Variants in AK8 observed in about 807,000 individuals in gnomAD.
AK8 encodes adenylate kinase 8.
In AK8, 44 loss-of-function variants were observed where a neutral mutation model predicts 54.6. The observed-to-expected ratio is 0.81, with a 90% confidence interval of 0.63 to 1.04. The LOEUF is 1.04. AK8 is among the 50% of genes least tolerant of loss of function. AK8 has a pLI of 0.00. For missense variants in AK8, 555 were observed against 613.6 expected, an observed-to-expected ratio of 0.90 and a Z score of 1.01; for synonymous variants, 239 against 245.6, an observed-to-expected ratio of 0.97 and a Z score of 0.25.
At chr9:132,828,300 C>A (rs188184764) in intron 6 of AK8, among the ~76,000 whole-genome samples, 216 of 152,352 alleles carry the variant, frequency 1.4e-3, no homozygotes, top group African/African-American at 5.0e-3. Context: ...CGGCCCATGA[C>A]GGAAAGTTCT....
chr9:132,731,441 AGCCCT>A (rs542939508), intron 11 of AK8, among the ~76,000 whole-genome samples: 1 of 152,146 alleles, frequency 6.6e-6, no homozygotes, highest in Non-Finnish European at 1.5e-5. Context: ...TGGGTGGGGA[AGCCCT>A]GCCCTGCCCT....
chr9:132,780,136 G>C (rs185328289), intron 11 of AK8, among the ~76,000 whole-genome samples: 16 of 152,322 alleles, frequency 1.1e-4, no homozygotes, highest in Admixed American at 7.8e-4. Flanking sequence ...AACAAAGTGG[G>C]AGGGGCTGTT....
chr9:132,844,957 G>A (rs116437410), intron 5 of AK8, among the ~76,000 whole-genome samples: 3,092 of 152,246 alleles, frequency 0.02, 100 homozygotes, highest in African/African-American at 0.071. Context: ...TTTAATTGTG[G>A]GATCTTCAGC....
At chr9:132,789,495 G>C (rs935883467) in intron 11 of AK8, among the ~76,000 whole-genome samples, 3 of 147,492 alleles carry the variant, frequency 2.0e-5, no homozygotes, top group Non-Finnish European at 3.0e-5. Flanking sequence ...TACTCAGGAG[G>C]AGGAGGCAGG....
intron 3 of AK8, among the ~76,000 whole-genome samples, chr9:132,864,169 T>C (rs879008001): frequency 2.0e-5 from 3 of 152,184 alleles, no homozygotes; most frequent in East Asian, 1.9e-4. Flanking sequence ...CTTTTTTTTT[T>C]CTTAAAGATT....
chr9:132,747,783 T>C (rs1477215642), intron 11 of AK8, among the ~76,000 whole-genome samples: 1 of 150,434 alleles, frequency 6.6e-6, no homozygotes, highest in Non-Finnish European at 1.5e-5. Context: ...TTTTTTACAA[T>C]GAGACTGTAC....
At chr9:132,763,027 A>G (rs1267405435) in intron 11 of AK8, among the ~76,000 whole-genome samples, 1 of 152,212 alleles carries the variant, frequency 6.6e-6, no homozygotes, top group East Asian at 1.9e-4. Flanking sequence ...CACCCTTTGG[A>G]CACCTGCTCA....
chr9:132,864,017 A>T (rs1211267541), intron 3 of AK8, among the ~76,000 whole-genome samples: 2 of 152,178 alleles, frequency 1.3e-5, no homozygotes, highest in Non-Finnish European at 2.9e-5. Flanking sequence ...TGAAGTGGGA[A>T]GACCTACAGG....
chr9:132,778,298 G>T (rs575923478), intron 11 of AK8, among the ~76,000 whole-genome samples: 1 of 152,166 alleles, frequency 6.6e-6, no homozygotes, highest in African/African-American at 2.4e-5. Flanking sequence ...CACCCTGCTC[G>T]TCGGGAGGCT....
At position 132,770,776 on chromosome 9, in the gene AK8, C is replaced by T. The variant is rs1454283392; in HGVS notation, c.1121+21858G>A. On this transcript the variant is annotated intron_variant, in intron 11 of 12. Coordinates refer to ENST00000298545, the MANE Select transcript of AK8 (RefSeq NM_152572.3). The surrounding 1 kb of genome is among the most constrained non-coding windows in gnomAD (Gnocchi z 4.3). ...TCCCTGTTGACCCCCATTCCCCCTCCCCTGGATCCAGGAACCCAGTGGGCT... is the reference window on the plus strand; with the variant it reads ...TCCCTGTTGACCCCCATTCCCCCTCTCCTGGATCCAGGAACCCAGTGGGCT... Among the ~76,000 whole-genome samples, 8 of 152,310 alleles carry T rather than the reference C, an allele frequency of 5.3e-5. No homozygotes were observed. In the East Asian group the frequency reaches 1.4e-3, roughly 26 times the overall value.
rs200615995 is a variant in AK8 at position 132,873,725 on chromosome 9, CT to C, written c.169+1389del. On this transcript the variant is annotated intron_variant, in intron 2 of 12. Coordinates refer to ENST00000298545, the MANE Select transcript of AK8 (RefSeq NM_152572.3). Reference sequence around the variant, plus strand: ...CTCAAGCTCCCAGCACCCACTCGGCCTCAGGGTGGGGGCAGGGGGGAATGCA... The same window carrying C: ...CTCAAGCTCCCAGCACCCACTCGGCCCAGGGTGGGGGCAGGGGGGAATGCA... 4.4e-5 allele frequency among the ~76,000 whole-genome samples: 4 copies of C among 91,344 alleles called. No individual in the cohort carries two copies. In the East Asian group the frequency reaches 2.5e-3, roughly 57 times the overall value. The allele number at this position is 91,344 out of a possible 152,430, so 59.9% of individuals were successfully genotyped here.
intron 10 of AK8, among the ~76,000 whole-genome samples, chr9:132,800,075 C>G (rs1051663857): frequency 1.3e-5 from 2 of 152,204 alleles, no homozygotes; most frequent in Admixed American, 6.5e-5. Context: ...TCGCATCCCG[C>G]CAGGGGCTCT....
chr9:132,785,139 C>G (rs1292533454), intron 11 of AK8, among the ~76,000 whole-genome samples: 2 of 145,872 alleles, frequency 1.4e-5, no homozygotes, highest in Admixed American at 1.4e-4. Context: ...GAGTCTTGCT[C>G]TGTCGCCCAG....
At chr9:132,845,092 C>T (rs1262101611) in intron 5 of AK8, among the ~76,000 whole-genome samples, 1 of 152,196 alleles carries the variant, frequency 6.6e-6, no homozygotes, top group African/African-American at 2.4e-5. Flanking sequence ...TGCTACACTC[C>T]CAATCAAGGG....
rs766978504 is a variant in AK8 at position 132,725,729 on chromosome 9, C to T, written c.1399G>A (p.Glu467Lys). The T allele has an allele frequency of 6.9e-6, 11 of 1,586,448 alleles. No homozygotes were observed. Among genetic ancestry groups the T allele is most frequent in the Non-Finnish European group, 8.6e-6 (10 of 1,165,806 alleles). The change falls in exon 13 of 13, where the codon GAG (glutamate) becomes AAG (lysine). Residue 467 changes from glutamate (E) to lysine (K), a missense_variant. Coordinates refer to ENST00000298545, the MANE Select transcript of AK8 (RefSeq NM_152572.3). ...QDPYTVFEYI[E>K]SGIINPLPKK... is the part of the protein sequence containing the mutation. ...GGCAGGGGATTAATGATCCCACTCT[C>T]GATGTATTCGAAGACTGTGTATGGG...
intron 5 of AK8, among the ~76,000 whole-genome samples, chr9:132,834,926 A>C (rs1842257218): frequency 6.6e-6 from 1 of 151,694 alleles, no homozygotes. Context: ...CTGGAGTGCA[A>C]CGGCATGATC....
chr9:132,830,966 T>C (rs1398377813), intron 5 of AK8, among the ~76,000 whole-genome samples: 1 of 152,218 alleles, frequency 6.6e-6, no homozygotes, highest in Non-Finnish European at 1.5e-5. Context: ...GCGAATGATA[T>C]AGGGCTGTGA....
At chr9:132,774,702 G>A (rs1004417582) in intron 11 of AK8, among the ~76,000 whole-genome samples, 8 of 152,138 alleles carry the variant, frequency 5.3e-5, no homozygotes, top group African/African-American at 1.9e-4. Context: ...AAATGGGGGC[G>A]TCTCCATCAG....
At chr9:132,766,098 C>A (rs922863632) in intron 11 of AK8, among the ~76,000 whole-genome samples, 2 of 152,164 alleles carry the variant, frequency 1.3e-5, no homozygotes, top group Admixed American at 1.3e-4. Context: ...ACCATTGTTA[C>A]AAAACAATAC....
Sources: allele counts gnomAD v4.1 joint callset (sites outside exome capture counted in the v4.1 genomes callset), GRCh38; gene constraint gnomAD v4.1.1; non-coding constraint Gnocchi (gnomAD v3.1); transcripts MANE v1.5; gene names NCBI Gene and HGNC (gene_info 2026-07-23, HGNC 2026-07-21).